ALDH1L1: variants seen among roughly 807,000 people sequenced by gnomAD.
ALDH1L1 encodes cytosolic 10-formyltetrahydrofolate dehydrogenase.
In ALDH1L1, 68 loss-of-function variants were observed where a neutral mutation model predicts 101.1. The ratio of observed to expected loss-of-function variants is 0.67; its 90% CI spans 0.55 to 0.82. ALDH1L1 has a LOEUF of 0.82. Among genes scored for constraint, ALDH1L1 ranks in the 40% least tolerant of loss-of-function variants. ALDH1L1 has a pLI of 0.00. For missense variants in ALDH1L1, 1,087 were observed against 1,172.7 expected (o/e 0.93, Z 1.07); for synonymous variants, 486 against 470.8 (o/e 1.03, Z -0.42).
chr3:126,152,692 G>A (rs954770732), intron 7 of ALDH1L1: 2 of 157,072 alleles, frequency 1.3e-5, no homozygotes, highest in African/African-American at 4.8e-5. Flanking sequence ...ATGTGAGAAG[G>A]AGTAGTAGAG....
intron 12 of ALDH1L1, 34 bp from the exon 13 acceptor site, chr3:126,131,568 C>T: frequency 6.3e-7 from 1 of 1,587,768 alleles, no homozygotes; most frequent in Non-Finnish European, 8.6e-7. Flanking sequence ...GAGGTGGGCT[C>T]AGGCCTGGCA....
At chr3:126,192,475 A>G (rs1171308223) in intron 1 of ALDH1L1, among the ~76,000 whole-genome samples, 1 of 152,256 alleles carries the variant, frequency 6.6e-6, no homozygotes, top group East Asian at 1.9e-4. Flanking sequence ...AAGATATTGC[A>G]GGCCTGAGTT....
Position 126,150,549 on chromosome 3 carries a change from T to C in ALDH1L1, c.859-18A>G, listed in dbSNP as rs2080789136. 6.7e-7 allele frequency: 1 copy of C among 1,499,674 alleles called. No individual in the cohort carries two copies. The highest frequency in any genetic ancestry group is 1.8e-4 in the Middle Eastern group (1 of 5,604). 92.9% of individuals were successfully genotyped at this position (1,499,674 alleles called of 1,614,324 possible). A position where few individuals can be genotyped will look rare whatever the true frequency, so the allele number is the denominator to read the frequency against. On this transcript the variant is annotated intron_variant, in intron 7 of 22. Coordinates refer to ENST00000393434, the MANE Select transcript of ALDH1L1 (RefSeq NM_012190.4). ...ACCAGCAGCTGCAAAAGGAAGGATT[T>C]CTTTTCTTTTCTTTTCTTTTTTTGA...
intron 8 of ALDH1L1, among the ~76,000 whole-genome samples, chr3:126,149,881 G>C (rs1480134842): frequency 6.6e-6 from 1 of 152,224 alleles, no homozygotes; most frequent in Non-Finnish European, 1.5e-5. Flanking sequence ...GGAGCATGAA[G>C]GGTCAGGAAC....
At chr3:126,192,298 G>T (rs184006644) in intron 1 of ALDH1L1, among the ~76,000 whole-genome samples, 12 of 152,252 alleles carry the variant, frequency 7.9e-5, no homozygotes, top group Admixed American at 7.2e-4. Context: ...TAAATCTTCT[G>T]CAATTGATGA....
At chr3:126,139,526 G>A (rs943559307) in intron 9 of ALDH1L1, among the ~76,000 whole-genome samples, 4 of 151,592 alleles carry the variant, frequency 2.6e-5, no homozygotes, top group Non-Finnish European at 5.9e-5. Context: ...GGAAAGAAGA[G>A]CCCATTCACA....
intron 1 of ALDH1L1, among the ~76,000 whole-genome samples, chr3:126,161,959 T>C (rs369138755): frequency 2.9e-4 from 44 of 151,838 alleles, no homozygotes; most frequent in African/African-American, 1.0e-3. Flanking sequence ...CCCCTTTATA[T>C]GTATTCATTT....
chr3:126,193,498 A>G (rs537704011), intron 1 of ALDH1L1, among the ~76,000 whole-genome samples: 2 of 152,264 alleles, frequency 1.3e-5, no homozygotes, highest in Non-Finnish European at 2.9e-5. Context: ...GAGTGTAACC[A>G]AAACTTAGGG....
intron 17 of ALDH1L1, 153 bp from the exon 18 acceptor site, chr3:126,114,809 C>T (rs1427363470): frequency 1.6e-5 from 11 of 683,586 alleles, no homozygotes; most frequent in Admixed American, 4.2e-5. Context: ...CCACCCCTTG[C>T]GGCTTCACAC....
intron 1 of ALDH1L1, among the ~76,000 whole-genome samples, chr3:126,168,862 G>C (rs970787039): frequency 1.3e-5 from 2 of 152,110 alleles, no homozygotes; most frequent in Non-Finnish European, 2.9e-5. Context: ...ACTTAAAGTT[G>C]TTATGTTGGG....
upstream of ALDH1L1, among the ~76,000 whole-genome samples, chr3:126,182,855 A>T (rs1364922382): frequency 2.6e-5 from 4 of 152,118 alleles, no homozygotes; most frequent in African/African-American, 9.7e-5. Context: ...GAACTGGGGG[A>T]TCTCATTAAG....
intron 1 of ALDH1L1, among the ~76,000 whole-genome samples, chr3:126,178,131 C>T (rs2108339548): frequency 6.6e-6 from 1 of 152,178 alleles, no homozygotes; most frequent in East Asian, 1.9e-4. Flanking sequence ...CCTGTAATCC[C>T]AGCACTTTGG....
At chr3:126,139,973 G>A (rs1342957949) in intron 9 of ALDH1L1, among the ~76,000 whole-genome samples, 1 of 152,048 alleles carries the variant, frequency 6.6e-6, no homozygotes, top group African/African-American at 2.4e-5. Context: ...AGAGAAAAAG[G>A]TTTCTCTAAA....
At chr3:126,195,921 T>C (rs1052361363) in intron 1 of ALDH1L1, among the ~76,000 whole-genome samples, 9 of 151,930 alleles carry the variant, frequency 5.9e-5, no homozygotes, top group East Asian at 1.9e-4. Context: ...ATGAGAACAC[T>C]TGGACACAGG....
chr3:126,111,465 A>T (rs7609633), intron 19 of ALDH1L1, among the ~76,000 whole-genome samples: 91,934 of 152,118 alleles, frequency 0.6, 28,004 homozygotes, highest in Middle Eastern at 0.69. Flanking sequence ...GCTCTGACAA[A>T]CCCAGATGAG....
intron 9 of ALDH1L1, among the ~76,000 whole-genome samples, chr3:126,139,007 C>A (rs2080511445): frequency 6.6e-6 from 1 of 152,216 alleles, no homozygotes; most frequent in Non-Finnish European, 1.5e-5. Context: ...TGTCACCCCC[C>A]ACCTCCCACC....
At chr3:126,175,256 A>G (rs2081349419) in intron 1 of ALDH1L1, among the ~76,000 whole-genome samples, 2 of 152,138 alleles carry the variant, frequency 1.3e-5, no homozygotes, top group Non-Finnish European at 2.9e-5. Context: ...TAGCCTTCCA[A>G]AATAGAAAGC....
chr3:126,181,483 G>A, upstream of ALDH1L1: 1 of 185,030 alleles, frequency 5.4e-6, no homozygotes, highest in African/African-American at 2.3e-5. Context: ...TACTTGTAGT[G>A]TTCTTTCAGA....
At chr3:126,156,630 T>C (rs534659061) in intron 4 of ALDH1L1, 1 of 152,336 alleles carries the variant, frequency 6.6e-6, no homozygotes, top group Non-Finnish European at 1.5e-5. Flanking sequence ...GCCCATAGCC[T>C]GCCACCCTGC....
Sources: gnomAD v4.1 joint callset for allele counts (sites outside exome capture counted in the v4.1 genomes callset) on GRCh38, gnomAD v4.1.1 for gene constraint, MANE v1.5 for transcripts, NCBI Gene and HGNC (gene_info 2026-07-23, HGNC 2026-07-21) for gene names.